ARHGAP5: variants seen among roughly 807,000 people sequenced by gnomAD.
ARHGAP5 encodes the protein Rho GTPase activating protein 5.
ARHGAP5 carries 23 observed loss-of-function variants against 116.6 expected under a neutral mutation model. The ratio of observed to expected loss-of-function variants is 0.20; its 90% confidence interval spans 0.14 to 0.28. The LOEUF (loss-of-function observed/expected upper bound fraction) is 0.28, where lower values mean the gene tolerates loss of function less well. Ranked by LOEUF, ARHGAP5 falls within the 10% of genes least tolerant of loss-of-function variation. The probability of loss-of-function intolerance (pLI) is 1.00; values close to 1 mark genes in which losing one functional copy is unlikely to be tolerated. For synonymous variants in ARHGAP5, 574 were observed against 602.0 expected, an observed-to-expected ratio of 0.95 and a Z score of 0.68; for missense variants, 1,405 against 1,774.8, an observed-to-expected ratio of 0.79 and a Z score of 3.74.
intron 3 of ARHGAP5, among the ~76,000 whole-genome samples, chr14:32,135,690 T>G (rs915533392): frequency 5.9e-5 from 9 of 152,224 alleles, no homozygotes; most frequent in Admixed American, 5.9e-4. Context: ...CCCAAAGTGA[T>G]GTGATTACAG....
At chr14:32,116,092 C>G (rs1321027162) in intron 2 of ARHGAP5, among the ~76,000 whole-genome samples, 1 of 150,592 alleles carries the variant, frequency 6.6e-6, no homozygotes, top group East Asian at 1.9e-4. Context: ...TTGAGACTAT[C>G]CTGGCTGATA....
At position 32,091,720 on chromosome 14, in the gene ARHGAP5, C is replaced by T; in HGVS notation, c.1051C>T (p.Pro351Ser). 1 of 1,611,206 alleles carries T rather than the reference C, an allele frequency of 6.2e-7. No homozygotes were observed. The highest frequency in any genetic ancestry group is 8.5e-7 in the Non-Finnish European group (1 of 1,179,066). The change falls in exon 2 of 7, where the codon CCA becomes TCA. Residue 351 changes from proline to serine, a missense_variant. Physicochemically the swap from Pro to Ser is moderately conservative, Grantham distance 74 (BLOSUM62 -1). Around this residue, in one of 6 missense-constraint regions of ARHGAP5, gnomAD observed 944 missense variants for 1,095.3 expected, o/e 0.86. Coordinates refer to ENST00000345122, the MANE Select transcript of ARHGAP5 (RefSeq NM_001030055.2). ...ACCAAGAGCTTTTAACACTCTTTTG[C>T]CAAATCTAGAAGAGATTGAACATTT... ...TLPRAFNTLLPNLEEIEHLNW... is the reference protein window; with the variant it reads ...TLPRAFNTLLSNLEEIEHLNW...
At position 32,154,605 on chromosome 14, in the gene ARHGAP5, C is replaced by A. The variant is rs557064840; in HGVS notation, c.4182-16C>A. On this transcript the variant is annotated splice_polypyrimidine_tract_variant and intron_variant, in intron 6 of 6. Transcript: ENST00000345122. ...GAGTTTTGATTTCTAAATGTTTTTT[C>A]CTTTCATAATTTCAGGGTTAGTCAG... 15 of 1,550,552 alleles carry A rather than the reference C, an allele frequency of 9.7e-6. No homozygotes were observed. The highest frequency in any genetic ancestry group is 1.7e-4 in the Middle Eastern group (1 of 5,788).
chr14:32,140,900 A>G (rs1052507023), intron 3 of ARHGAP5, among the ~76,000 whole-genome samples: 1 of 152,184 alleles, frequency 6.6e-6, no homozygotes, highest in African/African-American at 2.4e-5. Context: ...GTTCATTATT[A>G]TAGTGGACTA....
At chr14:32,150,813 A>T (rs977657723) in intron 5 of ARHGAP5, among the ~76,000 whole-genome samples, 1 of 152,184 alleles carries the variant, frequency 6.6e-6, no homozygotes, top group African/African-American at 2.4e-5. Flanking sequence ...GGGAAAGAAC[A>T]TGATATTTAT....
Position 32,146,313 on chromosome 14 carries a change from G to C in ARHGAP5, c.3916G>C (p.Asp1306His). The change falls in exon 4 of 7, where the codon GAC (aspartate) becomes CAC (histidine). Residue 1306 changes from aspartate (D) to histidine (H), a missense_variant. Physicochemically the swap from Asp to His is moderately conservative, Grantham distance 81. Transcript: ENST00000345122. The stretch of plus-strand genomic sequence containing the variant: ...TGTCAGCGGGAATAAAACTGACCAA[G>C]ACAATATTCAAAAGCAGTTTGATCA... ...YRVSGNKTDQ[D>H]NIQKQFDQDH... is the part of the protein sequence containing the mutation. The C allele has an allele frequency of 1.2e-6, 2 of 1,613,334 alleles. No homozygotes were observed. Among genetic ancestry groups the C allele is most frequent in the Non-Finnish European group, 1.7e-6 (2 of 1,179,292 alleles).
chr14:32,087,433 GT>G (rs78897765), intron 1 of ARHGAP5, among the ~76,000 whole-genome samples: 400 of 143,602 alleles, frequency 2.8e-3, no homozygotes, highest in East Asian at 0.011. Context: ...GGTGACAACA[GT>G]TTTTTTTTTT....
Position 32,090,602 on chromosome 14 carries a change from G to T in ARHGAP5, c.-68G>T. 3 of 1,372,696 alleles carry T rather than the reference G, an allele frequency of 2.2e-6. No homozygotes were observed. The highest frequency in any genetic ancestry group is 3.0e-6 in the Non-Finnish European group (3 of 1,008,512). The allele number at this position is 1,372,696 out of a possible 1,614,324, so 85.0% of individuals were successfully genotyped here. A position where few individuals can be genotyped will look rare whatever the true frequency, so the allele number is the denominator to read the frequency against. ...AAATTTGGGATCTGTATTTTGAGAT[G>T]ATTTTATTTTCAGAATGAGAAGCAT... On this transcript the variant is annotated 5_prime_UTR_variant, in exon 2 of 7. It removes an upstream start codon present in the reference 5' UTR. Coordinates refer to ENST00000345122, the MANE Select transcript of ARHGAP5 (RefSeq NM_001030055.2).
intron 4 of ARHGAP5, among the ~76,000 whole-genome samples, chr14:32,147,305 G>T (rs1881422921): frequency 6.6e-6 from 1 of 152,162 alleles, no homozygotes; most frequent in Non-Finnish European, 1.5e-5. Context: ...TTACAAAAAT[G>T]TAAAAATTCT....
chr14:32,149,531 A>C (rs1473866657), intron 4 of ARHGAP5, among the ~76,000 whole-genome samples: 1 of 152,042 alleles, frequency 6.6e-6, no homozygotes, highest in Non-Finnish European at 1.5e-5. Flanking sequence ...GCACTTTGGG[A>C]GGCTGAGGCA....
chr14:32,133,644 C>T (rs1032422188), intron 3 of ARHGAP5, among the ~76,000 whole-genome samples: 3 of 152,160 alleles, frequency 2.0e-5, no homozygotes, highest in African/African-American at 7.2e-5. Flanking sequence ...TGAGAGAGGG[C>T]ATCCCTGTCT....
chr14:32,078,134 T>G (rs1436308285), intron 1 of ARHGAP5: 1 of 98,340 alleles, frequency 1.0e-5, no homozygotes, highest in Non-Finnish European at 1.9e-5. Flanking sequence ...TTCCTCTCTT[T>G]CCACTAAAGA....
At position 32,093,839 on chromosome 14, in the gene ARHGAP5, A is replaced by C; in HGVS notation, c.3170A>C (p.Asn1057Thr). ...ACAAATGTGAAAAAACTCGATCCAA[A>C]CCTTTTAAAAACAATTGAAGCTGGT... ...PKTNVKKLDP[N>T]LLKTIEAGIG... The change falls in exon 2 of 7, where the codon AAC becomes ACC. Residue 1057 changes from asparagine to threonine, a missense_variant. Asn to Thr is a moderately conservative substitution (Grantham distance 65). Around this residue, in one of 6 missense-constraint regions of ARHGAP5, gnomAD observed 944 missense variants for 1,095.3 expected, o/e 0.86. Transcript: ENST00000345122. 6.2e-7 allele frequency: 1 copy of C among 1,613,686 alleles called. No individual in the cohort carries two copies. The highest frequency in any genetic ancestry group is 1.3e-5 in the African/African-American group (1 of 74,958).
rs767861732 is a variant in ARHGAP5, at chr14:32,090,867, A to C, written c.198A>C (p.Val66=). Residue 66 remains valine (V), a synonymous_variant, in exon 2 of 7, where the codon GTA becomes GTC. Coordinates refer to ENST00000345122, the MANE Select transcript of ARHGAP5 (RefSeq NM_001030055.2). Reference sequence around the variant, plus strand: ...GCACCATTGACTTTGGAGGACGAGTAGTAAACAATGATCACTTTTTGTACT... The same window carrying C: ...GCACCATTGACTTTGGAGGACGAGTCGTAAACAATGATCACTTTTTGTACT... ...VLSTIDFGGR[V]VNNDHFLYWG... is the part of the protein sequence containing the mutation. The C allele has an allele frequency of 6.2e-6, 10 of 1,613,654 alleles. No individual in the cohort carries two copies.
In ARHGAP5 at chr14:32,146,282, C is replaced by G. The variant is rs1319493326; in HGVS notation, c.3885C>G (p.Leu1295=). Residue 1295 remains leucine, a synonymous_variant, in exon 4 of 7, where the codon CTC becomes CTG. Transcript: ENST00000345122. ...TCTTAGGGTTATGTACCGAAGGACT[C>G]TACCGTGTCAGCGGGAATAAAACTG... ...IEDTGLCTEG[L]YRVSGNKTDQ... is the part of the protein sequence containing the mutation. 6.2e-7 allele frequency: 1 copy of G among 1,612,728 alleles called. No homozygotes were observed. Among genetic ancestry groups the G allele is most frequent in the South Asian group, 1.1e-5 (1 of 91,032 alleles).
At chr14:32,133,402 G>A (rs577184724) in intron 3 of ARHGAP5, among the ~76,000 whole-genome samples, 124 of 152,286 alleles carry the variant, frequency 8.1e-4, no homozygotes, top group African/African-American at 2.6e-3. Flanking sequence ...TGGTGCATAA[G>A]AATGCTTTTG....
intron 3 of ARHGAP5, among the ~76,000 whole-genome samples, chr14:32,145,326 T>A (rs1881325038): frequency 6.6e-6 from 1 of 152,190 alleles, no homozygotes; most frequent in African/African-American, 2.4e-5. Context: ...CCAGTTGGCC[T>A]CCACTGACAA....
chr14:32,142,682 A>G (rs544310188), intron 3 of ARHGAP5, among the ~76,000 whole-genome samples: 2 of 152,324 alleles, frequency 1.3e-5, no homozygotes, highest in African/African-American at 4.8e-5. Context: ...GCTCTCTGGC[A>G]CTTGTGTAAC....
chr14:32,106,483 C>T (rs1004872031), intron 2 of ARHGAP5, among the ~76,000 whole-genome samples: 2 of 152,174 alleles, frequency 1.3e-5, no homozygotes, highest in African/African-American at 4.8e-5. Context: ...ACATCCTCAC[C>T]AATATTTGTG....
Sources: gnomAD v4.1 joint callset for allele counts (sites outside exome capture counted in the v4.1 genomes callset) on GRCh38, gnomAD v4.1.1 for gene constraint, gnomAD v4.1.1 regional missense constraint, MANE v1.5 for transcripts, NCBI Gene and HGNC (gene_info 2026-07-23, HGNC 2026-07-21) for gene names.